Variants in SH3BGRL2 observed in about 807,000 individuals in gnomAD.
SH3BGRL2 encodes SH3 domain-binding glutamic acid-rich-like protein 2.
Under a neutral mutation model 14.8 loss-of-function variants are expected in SH3BGRL2, and 21 were observed. The observed-to-expected ratio is 1.42, with a 90% confidence interval of 1.01 to 2.05. The LOEUF is 2.05. SH3BGRL2 is among the 30% of genes most tolerant of loss of function. The pLI, the probability that SH3BGRL2 is intolerant of heterozygous loss-of-function variation, is 0.00. For missense variants in SH3BGRL2, 147 were observed against 130.8 expected (o/e 1.12, Z -0.61); for synonymous variants, 50 against 47.8 (o/e 1.05, Z -0.19).
chr6:79,684,732 A>C (rs1469373885), intron 2 of SH3BGRL2, among the ~76,000 whole-genome samples: 2 of 152,196 alleles, frequency 1.3e-5, no homozygotes, highest in Non-Finnish European at 2.9e-5. Flanking sequence ...TTTACAATGA[A>C]ATCTGTTTAG....
intron 1 of SH3BGRL2, among the ~76,000 whole-genome samples, chr6:79,654,269 G>A (rs1463197704): frequency 6.6e-6 from 1 of 152,104 alleles, no homozygotes; most frequent in African/African-American, 2.4e-5. Context: ...GAGAAGGAAA[G>A]GTAAGAATAT....
the SH3BGRL2 span, among the ~76,000 whole-genome samples, chr6:79,570,497 A>G: frequency 2.6e-5 from 4 of 152,216 alleles, no homozygotes; most frequent in African/African-American, 7.2e-5. Context: ...GACAACCACA[A>G]TTGTAAATGT....
the SH3BGRL2 span, among the ~76,000 whole-genome samples, chr6:79,589,201 TA>T: frequency 5.8e-5 from 4 of 68,816 alleles, no homozygotes; most frequent in Admixed American, 2.0e-4. Context: ...TATATATATA[TA>T]TATATTTTTT....
At chr6:79,588,778 T>C in the SH3BGRL2 span, among the ~76,000 whole-genome samples, 4 of 152,208 alleles carry the variant, frequency 2.6e-5, no homozygotes, top group African/African-American at 7.2e-5. Flanking sequence ...ACATTGAACC[T>C]GAGCACTTCC....
the SH3BGRL2 span, among the ~76,000 whole-genome samples, chr6:79,607,560 T>C: frequency 3.5e-4 from 53 of 152,252 alleles, no homozygotes; most frequent in Non-Finnish European, 6.6e-4. Context: ...CCCATCCTAA[T>C]CCTATGGGGA....
the SH3BGRL2 span, among the ~76,000 whole-genome samples, chr6:79,604,992 A>G: frequency 1.3e-5 from 2 of 152,208 alleles, no homozygotes; most frequent in Admixed American, 1.3e-4. Flanking sequence ...ACTCTTTGCA[A>G]GGTGATTTTG....
At chr6:79,591,291 T>C in the SH3BGRL2 span, among the ~76,000 whole-genome samples, 4 of 152,238 alleles carry the variant, frequency 2.6e-5, no homozygotes, top group Non-Finnish European at 5.9e-5. Flanking sequence ...AACAATCTTT[T>C]TGTTTTTTTA....
At chr6:79,655,836 T>G (rs1769399387) in intron 1 of SH3BGRL2, among the ~76,000 whole-genome samples, 1 of 152,232 alleles carries the variant, frequency 6.6e-6, no homozygotes, top group African/African-American at 2.4e-5. Flanking sequence ...CATTCCAGTC[T>G]TCCTGAATCT....
At chr6:79,560,698 ATG>A in the SH3BGRL2 span, among the ~76,000 whole-genome samples, 1 of 152,154 alleles carries the variant, frequency 6.6e-6, no homozygotes, top group African/African-American at 2.4e-5. Context: ...CACATGGCAT[ATG>A]TGTTAGTATT....
chr6:79,678,649 A>G lies in SH3BGRL2; in HGVS notation c.231+4850A>G, dbSNP rs139584361. ...GTTTTCAATTCTTTTAATTTTTAGA[A>G]TTATTTTATATTTCTTTTATTTTAG... On this transcript the variant is annotated intron_variant, in intron 2 of 3. Coordinates refer to ENST00000369838, the MANE Select transcript of SH3BGRL2 (RefSeq NM_031469.4). Among the ~76,000 whole-genome samples, 1,020 of 152,242 alleles carry G rather than the reference A, an allele frequency of 6.7e-3. 5 individuals carry two copies. Among genetic ancestry groups the G allele is most frequent in the Non-Finnish European group, 0.011 (716 of 68,020 alleles).
At chr6:79,655,278 C>T (rs945282427) in intron 1 of SH3BGRL2, among the ~76,000 whole-genome samples, 8 of 152,048 alleles carry the variant, frequency 5.3e-5, no homozygotes, top group African/African-American at 1.9e-4. Flanking sequence ...CAGGAAGGTT[C>T]GTGGTTCCCC....
At chr6:79,660,855 G>T (rs1292857488) in intron 1 of SH3BGRL2, among the ~76,000 whole-genome samples, 1 of 152,012 alleles carries the variant, frequency 6.6e-6, no homozygotes, top group Middle Eastern at 3.2e-3. Flanking sequence ...ACTTCTTTCT[G>T]GTTTAGTCTT....
the SH3BGRL2 span, among the ~76,000 whole-genome samples, chr6:79,567,213 A>G: frequency 1.3e-5 from 2 of 151,548 alleles, no homozygotes; most frequent in Non-Finnish European, 2.9e-5. Flanking sequence ...AGTCTTTGTT[A>G]TAGAAAAATT....
intron 2 of SH3BGRL2, among the ~76,000 whole-genome samples, chr6:79,693,821 GTGAGATTAGAC>G (rs1405383505): frequency 2.0e-5 from 3 of 152,200 alleles, no homozygotes; most frequent in African/African-American, 7.2e-5. Flanking sequence ...GGTAGAAATA[GTGAGATTAGAC>G]AAAGGTTGAT....
At chr6:79,553,823 A>G in the SH3BGRL2 span, among the ~76,000 whole-genome samples, 23 of 152,188 alleles carry the variant, frequency 1.5e-4, no homozygotes, top group Admixed American at 3.9e-4. Flanking sequence ...AATACAAAAA[A>G]TTAGCGTGGT....
chr6:79,586,552 T>G, the SH3BGRL2 span, among the ~76,000 whole-genome samples: 1 of 152,212 alleles, frequency 6.6e-6, no homozygotes, highest in East Asian at 1.9e-4. Context: ...TAAAACAGAC[T>G]AACATTTAAG....
chr6:79,651,664 G>A (rs1769298900), intron 1 of SH3BGRL2, among the ~76,000 whole-genome samples: 1 of 152,134 alleles, frequency 6.6e-6, no homozygotes, highest in Non-Finnish European at 1.5e-5. Context: ...GAGACCCATG[G>A]GGGTGCAGAT....
chr6:79,656,850 G>A (rs556130212), intron 1 of SH3BGRL2, among the ~76,000 whole-genome samples: 1 of 151,136 alleles, frequency 6.6e-6, no homozygotes. Flanking sequence ...AGATACTGAG[G>A]GACAACTGTA....
chr6:79,549,604 G>A, the SH3BGRL2 span, among the ~76,000 whole-genome samples: 2 of 152,122 alleles, frequency 1.3e-5, no homozygotes, highest in African/African-American at 2.4e-5. Flanking sequence ...GGAGCAATAG[G>A]CTATACCATA....
Sources: allele counts gnomAD v4.1 joint callset (sites outside exome capture counted in the v4.1 genomes callset), GRCh38; gene constraint gnomAD v4.1.1; transcripts MANE v1.5; gene names NCBI Gene and HGNC (gene_info 2026-07-23, HGNC 2026-07-21).